Variants in APOL5 observed in about 807,000 individuals in gnomAD.
The protein encoded by APOL5 is apolipoprotein L5.
APOL5 carries 29 observed loss-of-function variants against 35.5 expected under a neutral mutation model. That is an observed-to-expected ratio of 0.82 (90% CI 0.61 to 1.11). The LOEUF (loss-of-function observed/expected upper bound fraction) is 1.11. APOL5 is among the 50% of genes most tolerant of loss of function. The pLI, the probability that APOL5 is intolerant of heterozygous loss-of-function variation, is 0.00. For synonymous variants in APOL5, 188 were observed against 200.2 expected (o/e 0.94, Z 0.51); for missense variants, 514 against 530.4 (o/e 0.97, Z 0.30).
chr22:35,719,668 A>C (rs982305874), intron 1 of APOL5, among the ~76,000 whole-genome samples: 2 of 152,178 alleles, frequency 1.3e-5, no homozygotes, highest in Admixed American at 1.3e-4. Context: ...TCAAACCCCT[A>C]GGGGGAGCAT....
chr22:35,717,767 A>AGAAAAG, upstream of APOL5: 1 of 461,054 alleles, frequency 2.2e-6, no homozygotes, highest in Non-Finnish European at 3.1e-6. Flanking sequence ...AGAAAAGAAA[A>AGAAAAG]GAAAAAAAAA....
At chr22:35,727,991 T>C (rs1927230616) in intron 3 of APOL5, among the ~76,000 whole-genome samples, 1 of 152,246 alleles carries the variant, frequency 6.6e-6, no homozygotes, top group African/African-American at 2.4e-5. Context: ...CACATAAGTG[T>C]TTGCCGAAGA....
At chr22:35,723,662 G>A (rs1389033084) in intron 2 of APOL5, among the ~76,000 whole-genome samples, 1 of 152,116 alleles carries the variant, frequency 6.6e-6, no homozygotes, top group Non-Finnish European at 1.5e-5. Context: ...CCACACTTTT[G>A]TTAAAAATCT....
At chr22:35,723,653 C>A (rs924587774) in intron 2 of APOL5, among the ~76,000 whole-genome samples, 39 of 151,766 alleles carry the variant, frequency 2.6e-4, no homozygotes, top group Admixed American at 1.1e-3. Context: ...TAAGTGTGAC[C>A]ACACTTTTGT....
upstream of APOL5, among the ~76,000 whole-genome samples, chr22:35,713,797 CGG>C (rs1255896310): frequency 6.6e-6 from 1 of 152,158 alleles, no homozygotes; most frequent in Non-Finnish European, 1.5e-5. Context: ...CCACCTACAA[CGG>C]GAGATGCTAG....
intron 1 of APOL5, among the ~76,000 whole-genome samples, chr22:35,719,489 A>T (rs945018234): frequency 6.6e-6 from 1 of 152,202 alleles, no homozygotes; most frequent in Non-Finnish European, 1.5e-5. Flanking sequence ...CTTGCTCCCA[A>T]GTTAAAAATG....
chr22:35,724,524 A>G (rs1927084810), intron 2 of APOL5, among the ~76,000 whole-genome samples: 1 of 152,186 alleles, frequency 6.6e-6, no homozygotes, highest in Non-Finnish European at 1.5e-5. Flanking sequence ...TTTATTAGGA[A>G]AAGACTTGGT....
chr22:35,714,837 G>A (rs1926695360), upstream of APOL5, among the ~76,000 whole-genome samples: 3 of 152,222 alleles, frequency 2.0e-5, no homozygotes, highest in African/African-American at 7.2e-5. Context: ...AGTGGCCACA[G>A]CCTCCACTGA....
upstream of APOL5, among the ~76,000 whole-genome samples, chr22:35,717,465 C>T (rs376979794): frequency 2.1e-5 from 3 of 146,288 alleles, no homozygotes; most frequent in African/African-American, 5.0e-5. Context: ...AGCAGCTGAG[C>T]GCAGTGGCTC....
chr22:35,728,742 C>CT lies in APOL5; in HGVS notation c.1147dup (p.Trp383LeufsTer9). The CT allele has an allele frequency of 6.2e-7, 1 of 1,613,120 alleles. No homozygotes were observed. Among genetic ancestry groups the CT allele is most frequent in the African/African-American group, 1.3e-5 (1 of 75,034 alleles). ...CCACAGGGTCTCGCTCACCTCTCCC[C>CT]TGGCCTGTTGTGGAGCACCAGCCTA... On this transcript the variant is annotated frameshift_variant, in exon 4 of 5. Coordinates refer to ENST00000249044, the MANE Select transcript of APOL5 (RefSeq NM_030642.1). LOFTEE classifies it high-confidence loss of function.
intron 3 of APOL5, among the ~76,000 whole-genome samples, chr22:35,728,514 C>T (rs1456385213): frequency 7.2e-5 from 11 of 152,228 alleles, no homozygotes; most frequent in Admixed American, 5.2e-4. Flanking sequence ...TGAGCAACCG[C>T]GCCCGGCCGA....
chr22:35,717,235 A>AAAAAAATAT, upstream of APOL5, among the ~76,000 whole-genome samples: 13 of 57,660 alleles, frequency 2.3e-4, no homozygotes, highest in African/African-American at 9.5e-4. Flanking sequence ...AAAAAAAAAA[A>AAAAAAATAT]ATATATATAT....
In APOL5 at chr22:35,726,438, G is replaced by A. The variant is rs1927158652; in HGVS notation, c.370G>A (p.Ala124Thr). The A allele has an allele frequency of 1.9e-6, 3 of 1,614,020 alleles. No homozygotes were observed. The highest frequency in any genetic ancestry group is 2.5e-6 in the Non-Finnish European group (3 of 1,180,050). The change falls in exon 3 of 5, where the codon GCG (alanine) becomes ACG (threonine). Residue 124 changes from alanine (A) to threonine (T), a missense_variant. Transcript: ENST00000249044. ...GAACATCAAAGAACTTAACACCCTT[G>A]CGGACCAAGTTGACACCACTCACGA... is the stretch of plus-strand genomic sequence containing the variant. Reference protein sequence around the residue: ...EQNIKELNTLADQVDTTHELL... With the variant: ...EQNIKELNTLTDQVDTTHELL...
chr22:35,717,769 A>AAAAG, upstream of APOL5: 1 of 479,388 alleles, frequency 2.1e-6, no homozygotes, highest in Non-Finnish European at 2.8e-6. Context: ...AAAAGAAAAG[A>AAAAG]AAAAAAAATA....
At chr22:35,725,239 A>G (rs531878641) in intron 2 of APOL5, among the ~76,000 whole-genome samples, 1 of 152,194 alleles carries the variant, frequency 6.6e-6, no homozygotes, top group South Asian at 2.1e-4. Flanking sequence ...TTCTCCAAAA[A>G]TTCGAGGACT....
At chr22:35,711,333 C>T in the APOL5 span, among the ~76,000 whole-genome samples, 1 of 152,198 alleles carries the variant, frequency 6.6e-6, no homozygotes, top group African/African-American at 2.4e-5. Context: ...GTGAGTAATT[C>T]TGCTATAACC....
the APOL5 span, among the ~76,000 whole-genome samples, chr22:35,710,113 CT>C: frequency 8.8e-3 from 766 of 86,688 alleles, no homozygotes; most frequent in African/African-American, 0.025. Context: ...CTTTCTTTCT[CT>C]TTTTTTTTTT....
At position 35,717,892 on chromosome 22, in the gene APOL5, A is replaced by C. The variant is rs1231694274; in HGVS notation, c.21A>C (p.Gly7=). MPCGKQ[G]NLQVPGSKVL... ...AAAGCATGCCATGTGGCAAACAAGGAAATTTGCAAGTTCCCGGTTCCAAGG... is the reference window on the plus strand; with the variant it reads ...AAAGCATGCCATGTGGCAAACAAGGCAATTTGCAAGTTCCCGGTTCCAAGG... Residue 7 remains glycine (G), a synonymous_variant, in exon 1 of 5, where the codon GGA becomes GGC. Transcript: ENST00000249044. 6.3e-7 allele frequency: 1 copy of C among 1,588,630 alleles called. No homozygotes were observed. The highest frequency in any genetic ancestry group is 2.3e-5 in the East Asian group (1 of 44,086).
At position 35,726,461 on chromosome 22, in the gene APOL5, C is replaced by T. The variant is rs142340026; in HGVS notation, c.393C>T (p.His131=). The part of the protein sequence containing the change: ...NTLADQVDTT[H]ELLTKTSLVA... ...TTGCGGACCAAGTTGACACCACTCACGAGTTGCTTACCAAGACCAGCCTGG... is the reference window on the plus strand; with the variant it reads ...TTGCGGACCAAGTTGACACCACTCATGAGTTGCTTACCAAGACCAGCCTGG... The change falls in exon 3 of 5, where the codon CAC becomes CAT. Residue 131 remains histidine (H), a synonymous_variant. Coordinates refer to ENST00000249044, the MANE Select transcript of APOL5 (RefSeq NM_030642.1). The T allele has an allele frequency of 8.7e-6, 14 of 1,614,070 alleles. No individual in the cohort carries two copies. In the East Asian group the frequency reaches 1.1e-4, roughly 13 times the overall value.
Sources: allele counts gnomAD v4.1 joint callset (sites outside exome capture counted in the v4.1 genomes callset), GRCh38; gene constraint gnomAD v4.1.1; transcripts MANE v1.5; gene names NCBI Gene and HGNC (gene_info 2026-07-23, HGNC 2026-07-21).